The following HERC1 variants were observed in gnomAD, a reference collection of about 807,000 sequenced individuals.
The protein encoded by HERC1 is HECT and RLD domain containing E3 ubiquitin protein ligase family member 1.
Under a neutral mutation model 554.3 loss-of-function variants are expected in HERC1, and 160 were observed. The observed-to-expected ratio is 0.29, with a 90% confidence interval of 0.25 to 0.33. The LOEUF (loss-of-function observed/expected upper bound fraction) is 0.33, where lower values mean the gene tolerates loss of function less well. HERC1 is among the 10% of genes least tolerant of loss of function. The probability of loss-of-function intolerance (pLI) is 1.00; values close to 1 mark genes in which losing one functional copy is unlikely to be tolerated. For synonymous variants in HERC1, 2,175 were observed against 2,131.7 expected, an observed-to-expected ratio of 1.02 and a Z score of -0.56; for missense variants, 4,919 against 5,918.5, an observed-to-expected ratio of 0.83 and a Z score of 5.54.
At chr15:63,689,492 A>G in intron 33 of HERC1, 97 bp downstream of exon 33, 1 of 630,442 alleles carries the variant, frequency 1.6e-6, no homozygotes. Flanking sequence ...GGAATAAATG[A>G]TAGAGCAAGG....
intron 12 of HERC1, among the ~76,000 whole-genome samples, chr15:63,736,901 C>T (rs1002583162): frequency 4.6e-5 from 7 of 152,028 alleles, no homozygotes; most frequent in Non-Finnish European, 7.4e-5. Context: ...GCCACCACGC[C>T]CGGCCATAGC....
intron 1 of HERC1, among the ~76,000 whole-genome samples, chr15:63,808,274 T>C (rs938146432): frequency 2.0e-5 from 3 of 152,206 alleles, no homozygotes; most frequent in African/African-American, 4.8e-5. Flanking sequence ...GTTTCTTTTT[T>C]AGAACATCAA....
rs1372852457 is a variant in HERC1 at position 63,727,633 on chromosome 15, T to C, written c.3346+14A>G. On this transcript the variant is annotated intron_variant, in intron 17 of 77. Coordinates refer to ENST00000443617, the MANE Select transcript of HERC1 (RefSeq NM_003922.4). This position sits in a 1 kb window ranked among gnomAD's most constrained non-coding sequence, Gnocchi z 4.3. ...CTCAAAGGCATTATTTGCTCTTTTATTGTCTTTACTTACCATGAAGAGGCC... is the reference window on the plus strand; with the variant it reads ...CTCAAAGGCATTATTTGCTCTTTTACTGTCTTTACTTACCATGAAGAGGCC... The C allele has an allele frequency of 1.9e-6, 3 of 1,590,926 alleles. No individual in the cohort carries two copies. In the South Asian group the frequency reaches 3.4e-5, roughly 18 times the overall value.
intron 17 of HERC1, among the ~76,000 whole-genome samples, chr15:63,726,703 A>G (rs2074053964): frequency 6.6e-6 from 1 of 152,224 alleles, no homozygotes; most frequent in African/African-American, 2.4e-5. Flanking sequence ...TCTGTCTACA[A>G]ACAAAACACC....
chr15:63,764,245 T>C, intron 2 of HERC1, 54 bp from the exon 3 acceptor site: 1 of 1,152,448 alleles, frequency 8.7e-7, no homozygotes, highest in African/African-American at 1.5e-5. Context: ...ACATATGCAT[T>C]AAAATTAGTT....
Position 63,692,410 on chromosome 15 carries a change from C to A in HERC1, c.5830+1G>T. ...CTAAGACAAAGGCAAAGGACATGTA[C>A]CTGAAGAACATTTCTGAGATGCTAT... On this transcript the variant is annotated splice_donor_variant, in intron 31 of 77. Coordinates refer to ENST00000443617, the MANE Select transcript of HERC1 (RefSeq NM_003922.4). LOFTEE classifies it high-confidence loss of function. This position sits in a 1 kb window ranked among gnomAD's most constrained non-coding sequence, Gnocchi z 4.7. 1 of 1,597,404 alleles carries A rather than the reference C, an allele frequency of 6.3e-7. No homozygotes were observed. The highest frequency in any genetic ancestry group is 8.5e-7 in the Non-Finnish European group (1 of 1,174,750).
intron 74 of HERC1, 174 bp from the exon 75 acceptor site, chr15:63,616,856 T>G (rs1176216678): frequency 1.5e-5 from 9 of 609,000 alleles, no homozygotes; most frequent in Non-Finnish European, 2.3e-5. Context: ...TCGGCTTCCC[T>G]AATCACACGT....
At chr15:63,736,752 A>G (rs147344830) in intron 12 of HERC1, among the ~76,000 whole-genome samples, 2 of 152,164 alleles carry the variant, frequency 1.3e-5, no homozygotes, top group African/African-American at 4.8e-5. Context: ...GATTACAGGC[A>G]TGCGCCACCA....
intron 24 of HERC1, among the ~76,000 whole-genome samples, chr15:63,707,632 G>C (rs1428763534): frequency 6.6e-6 from 1 of 152,176 alleles, no homozygotes; most frequent in African/African-American, 2.4e-5. Flanking sequence ...AGAAGGCCCG[G>C]AAGTGACAAA....
chr15:63,655,884 G>A lies in HERC1; in HGVS notation c.9942C>T (p.Pro3314=). 1 of 1,612,198 alleles carries A rather than the reference G, an allele frequency of 6.2e-7. No individual in the cohort carries two copies. The highest frequency in any genetic ancestry group is 1.1e-5 in the South Asian group (1 of 90,458). The change falls in exon 50 of 78, where the codon CCC becomes CCT. Residue 3314 remains proline (P), a synonymous_variant. Coordinates refer to ENST00000443617, the MANE Select transcript of HERC1 (RefSeq NM_003922.4). The stretch of plus-strand genomic sequence containing the variant: ...CTTCAGCAATTCCTCGGAGAAAGCT[G>A]GGTAGAAACTTTCGCTGAATTGAGT... ...VDDSIQRKFL[P]SFLRGIAEEN...
chr15:63,833,749 GCGCGCACACACA>G (rs1364822053), intron 1 of HERC1, 66 bp downstream of exon 1: 2 of 28,460 alleles, frequency 7.0e-5, no homozygotes, highest in Admixed American at 3.0e-4. Flanking sequence ...ACACACGCGC[GCGCGCACACACA>G]CACACACACA....
chr15:63,636,336 T>A (rs1423915778), intron 64 of HERC1, among the ~76,000 whole-genome samples, 194 bp from the exon 65 acceptor site: 1 of 151,018 alleles, frequency 6.6e-6, no homozygotes, highest in African/African-American at 2.4e-5. Context: ...AGTGGTGTGA[T>A]CTCGGCTCAC....
chr15:63,759,929 TC>T (rs976136570), intron 3 of HERC1, among the ~76,000 whole-genome samples: 1 of 152,160 alleles, frequency 6.6e-6, no homozygotes, highest in Non-Finnish European at 1.5e-5. Flanking sequence ...CAGCTGCCAG[TC>T]CCTAATAAAA....
At chr15:63,729,033 G>A (rs1163593980) in intron 16 of HERC1, among the ~76,000 whole-genome samples, 2 of 151,392 alleles carry the variant, frequency 1.3e-5, no homozygotes, top group African/African-American at 4.9e-5. Flanking sequence ...CTTTAAATTA[G>A]GCCTCTGTCA....
chr15:63,779,950 G>T (rs982362954), intron 1 of HERC1: 2 of 138,852 alleles, frequency 1.4e-5, no homozygotes, highest in Non-Finnish European at 3.0e-5. Flanking sequence ...GGAGGTGGAG[G>T]TTGCAGTGAG....
chr15:63,777,964 T>C (rs768396307), intron 1 of HERC1, among the ~76,000 whole-genome samples: 1 of 152,196 alleles, frequency 6.6e-6, no homozygotes, highest in Non-Finnish European at 1.5e-5. Context: ...GAAGGCTAGT[T>C]ATACCAACAC....
intron 34 of HERC1, among the ~76,000 whole-genome samples, chr15:63,683,226 C>G (rs997514262): frequency 6.6e-5 from 10 of 151,168 alleles, no homozygotes; most frequent in Admixed American, 4.0e-4. Context: ...TCATCCTGAT[C>G]AGGGAAAGCT....
At chr15:63,699,297 G>A (rs1427442048) in intron 25 of HERC1, among the ~76,000 whole-genome samples, 8 of 152,184 alleles carry the variant, frequency 5.3e-5, no homozygotes, top group African/African-American at 1.9e-4. Context: ...TTCTCAAAAT[G>A]CTTAGCTTAA....
chr15:63,821,773 A>G (rs1475535503), intron 1 of HERC1, among the ~76,000 whole-genome samples: 2 of 151,390 alleles, frequency 1.3e-5, no homozygotes, highest in African/African-American at 4.9e-5. Flanking sequence ...ATTTAGAGAC[A>G]GTTTTACTCC....
Sources: gnomAD v4.1 joint callset for allele counts (sites outside exome capture counted in the v4.1 genomes callset) on GRCh38, gnomAD v4.1.1 for gene constraint, Gnocchi (gnomAD v3.1) non-coding constraint, MANE v1.5 for transcripts, NCBI Gene and HGNC (gene_info 2026-07-23, HGNC 2026-07-21) for gene names.